The following OR1J2 variants were observed in gnomAD, a reference collection of about 807,000 sequenced individuals.
The protein encoded by OR1J2 is olfactory receptor family 1 subfamily J member 2, also known as olfactory receptor 1J2.
For synonymous variants in OR1J2, 142 were observed against 99.7 expected, an observed-to-expected ratio of 1.42 and a Z score of -2.52; for missense variants, 304 against 246.1, an observed-to-expected ratio of 1.24 and a Z score of -1.57.
At chr9:122,450,697 T>C in the OR1J2 span, among the ~76,000 whole-genome samples, 1 of 152,228 alleles carries the variant, frequency 6.6e-6, no homozygotes, top group Non-Finnish European at 1.5e-5. Context: ...GAACCAGTCC[T>C]CCTGTTGAAC....
At chr9:122,478,466 C>G in the OR1J2 span, among the ~76,000 whole-genome samples, 1 of 152,200 alleles carries the variant, frequency 6.6e-6, no homozygotes, top group Non-Finnish European at 1.5e-5. Context: ...TGCTTGTCTA[C>G]ACAGTGCATG....
the OR1J2 span, among the ~76,000 whole-genome samples, chr9:122,551,051 T>G: frequency 1.3e-5 from 2 of 151,900 alleles, no homozygotes; most frequent in African/African-American, 4.8e-5. Context: ...ATAAATGAAT[T>G]GAGTAAAGTT....
At chr9:122,536,031 C>G in the OR1J2 span, among the ~76,000 whole-genome samples, 3 of 152,044 alleles carry the variant, frequency 2.0e-5, no homozygotes, top group African/African-American at 7.2e-5. Flanking sequence ...CAGGAACAGG[C>G]CATTTTCACT....
the OR1J2 span, among the ~76,000 whole-genome samples, chr9:122,541,219 C>G: frequency 6.6e-6 from 1 of 152,120 alleles, no homozygotes; most frequent in African/African-American, 2.4e-5. Context: ...GGCAATTTTT[C>G]TTTGACAGTT....
At chr9:122,458,108 G>A in the OR1J2 span, among the ~76,000 whole-genome samples, 1 of 152,032 alleles carries the variant, frequency 6.6e-6, no homozygotes, top group South Asian at 2.1e-4. Flanking sequence ...TTTTAGGATA[G>A]GTGTGTTGAA....
At chr9:122,529,433 CAT>C in the OR1J2 span, among the ~76,000 whole-genome samples, 1 of 152,148 alleles carries the variant, frequency 6.6e-6, no homozygotes, top group Non-Finnish European at 1.5e-5. Flanking sequence ...TTTGTGTTGG[CAT>C]ATACTGCCTT....
chr9:122,479,705 G>C, the OR1J2 span, among the ~76,000 whole-genome samples: 1 of 152,142 alleles, frequency 6.6e-6, no homozygotes, highest in Admixed American at 6.5e-5. Flanking sequence ...TAATACTTCA[G>C]GTTAAGATAT....
At chr9:122,495,781 C>G in the OR1J2 span, among the ~76,000 whole-genome samples, 4 of 152,020 alleles carry the variant, frequency 2.6e-5, no homozygotes, top group African/African-American at 7.2e-5. Flanking sequence ...GTATTACCAG[C>G]ATTTTTTTCT....
the OR1J2 span, among the ~76,000 whole-genome samples, chr9:122,528,849 G>A: frequency 6.6e-6 from 1 of 152,118 alleles, no homozygotes; most frequent in Admixed American, 6.5e-5. Flanking sequence ...AGGAAGATAC[G>A]GTATGAAAAC....
At chr9:122,559,721 TG>T in the OR1J2 span, among the ~76,000 whole-genome samples, 1 of 152,210 alleles carries the variant, frequency 6.6e-6, no homozygotes, top group Non-Finnish European at 1.5e-5. Flanking sequence ...TTGCATTTGC[TG>T]GGGAGTTTTT....
the OR1J2 span, among the ~76,000 whole-genome samples, chr9:122,454,130 A>C: frequency 6.6e-6 from 1 of 152,184 alleles, no homozygotes; most frequent in Non-Finnish European, 1.5e-5. Context: ...AGGGGAAATA[A>C]ATCTTGGGGT....
chr9:122,526,836 A>G, the OR1J2 span: 1 of 1,614,072 alleles, frequency 6.2e-7, no homozygotes, highest in Admixed American at 1.7e-5. Context: ...AGTCAGGGCA[A>G]CGATATTGGT....
chr9:122,512,052 A>T (rs901787266), downstream of OR1J2, among the ~76,000 whole-genome samples: 5 of 152,188 alleles, frequency 3.3e-5, no homozygotes, highest in Non-Finnish European at 5.9e-5. Flanking sequence ...AGACATATAT[A>T]TTTTTGGCCT....
At chr9:122,456,232 T>C in the OR1J2 span, among the ~76,000 whole-genome samples, 1 of 152,320 alleles carries the variant, frequency 6.6e-6, no homozygotes, top group African/African-American at 2.4e-5. Context: ...AGCTCTTGCA[T>C]ATAACAAAGC....
chr9:122,452,451 G>A, the OR1J2 span, among the ~76,000 whole-genome samples: 3 of 152,140 alleles, frequency 2.0e-5, no homozygotes, highest in South Asian at 2.1e-4. Flanking sequence ...TCTTGCTTGA[G>A]CCTGCAGCAC....
chr9:122,457,136 G>A, the OR1J2 span, among the ~76,000 whole-genome samples: 1 of 152,138 alleles, frequency 6.6e-6, no homozygotes, highest in African/African-American at 2.4e-5. Flanking sequence ...ACCAAATACC[G>A]CATGTTCTTA....
the OR1J2 span, among the ~76,000 whole-genome samples, chr9:122,486,918 G>A: frequency 2.0e-5 from 3 of 152,118 alleles, no homozygotes; most frequent in Admixed American, 2.0e-4. Context: ...CCTTTGCATA[G>A]ATGTATTGCT....
the OR1J2 span, among the ~76,000 whole-genome samples, chr9:122,487,638 C>T: frequency 6.6e-6 from 1 of 152,158 alleles, no homozygotes. Context: ...GAGCTCAACC[C>T]TGAAGTGGAG....
At chr9:122,568,379 G>A in the OR1J2 span, 2 of 1,613,836 alleles carry the variant, frequency 1.2e-6, no homozygotes, top group East Asian at 2.2e-5. Context: ...GGTACACGAT[G>A]AGGAAGAGAA....
Sources: allele counts gnomAD v4.1 joint callset (sites outside exome capture counted in the v4.1 genomes callset), GRCh38; gene constraint gnomAD v4.1.1; transcripts MANE v1.5; gene names NCBI Gene and HGNC (gene_info 2026-07-23, HGNC 2026-07-21).